TLL1: variants seen among roughly 807,000 people sequenced by gnomAD.
TLL1 encodes tolloid like 1.
In TLL1, 49 loss-of-function variants were observed where a neutral mutation model predicts 128.2. The observed-to-expected ratio is 0.38, with a 90% CI of 0.30 to 0.48. The LOEUF (loss-of-function observed/expected upper bound fraction) is 0.48. Among genes scored for constraint, TLL1 ranks in the 20% least tolerant of loss-of-function variants. The pLI, the probability that TLL1 is intolerant of heterozygous loss-of-function variation, is 0.96. For missense variants in TLL1, 1,123 were observed against 1,242.0 expected, an observed-to-expected ratio of 0.90 and a Z score of 1.44; for synonymous variants, 454 against 418.8, an observed-to-expected ratio of 1.08 and a Z score of -1.03.
intron 1 of TLL1, among the ~76,000 whole-genome samples, chr4:165,938,314 C>G (rs1029901315): frequency 5.9e-5 from 9 of 151,852 alleles, no homozygotes; most frequent in Non-Finnish European, 8.8e-5. Flanking sequence ...TTTTGGTGAG[C>G]CTTCATGATC....
Position 166,014,503 on chromosome 4 carries a change from C to T in TLL1, c.985C>T (p.Arg329Ter), listed in dbSNP as rs761905682. The change falls in exon 8 of 21, where the codon CGA becomes TGA. Residue 329 changes from arginine (R) to a stop codon, truncating the protein, a stop_gained. Transcript: ENST00000061240. LOFTEE classifies it high-confidence loss of function. ...DNGIRPAIGQ[R>*]TRLSKGDIAQ... ...TGGCATACGTCCTGCAATTGGTCAG[C>T]GAACCCGTCTAAGCAAAGGAGATAT... The T allele has an allele frequency of 1.9e-6, 3 of 1,612,332 alleles. No homozygotes were observed. Among genetic ancestry groups the T allele is most frequent in the African/African-American group, 1.3e-5 (1 of 74,864 alleles).
At chr4:166,070,693 G>C (rs978248516) in intron 16 of TLL1, among the ~76,000 whole-genome samples, 1 of 151,866 alleles carries the variant, frequency 6.6e-6, no homozygotes, top group Non-Finnish European at 1.5e-5. Context: ...AATAATGTGT[G>C]CATTGCAATC....
At chr4:166,099,680 C>T (rs1742203351) in intron 20 of TLL1, among the ~76,000 whole-genome samples, 153 bp downstream of exon 20, 2 of 145,694 alleles carry the variant, frequency 1.4e-5, no homozygotes, top group Non-Finnish European at 3.0e-5. Context: ...CAAAATATAA[C>T]ACGTCTCTAC....
At chr4:165,991,224 G>T (rs1736624118) in intron 2 of TLL1, among the ~76,000 whole-genome samples, 2 of 151,428 alleles carry the variant, frequency 1.3e-5, no homozygotes, top group South Asian at 4.2e-4. Context: ...CATAATAATT[G>T]GAAGAAAAAT....
chr4:166,009,649 C>T (rs539943837), intron 7 of TLL1, among the ~76,000 whole-genome samples: 99 of 151,376 alleles, frequency 6.5e-4, no homozygotes, highest in Non-Finnish European at 1.1e-3. Context: ...GAGATCATAT[C>T]CACCTGTTAG....
intron 5 of TLL1, among the ~76,000 whole-genome samples, chr4:165,999,211 A>G (rs1737034070): frequency 6.6e-6 from 1 of 152,152 alleles, no homozygotes; most frequent in African/African-American, 2.4e-5. Context: ...ATTTTCAGGT[A>G]TTTTTATAGC....
chr4:165,889,775 G>GT lies in TLL1; in HGVS notation c.169+15708dup, dbSNP rs200060051. On this transcript the variant is annotated intron_variant, in intron 1 of 20. Coordinates refer to ENST00000061240, the MANE Select transcript of TLL1 (RefSeq NM_012464.5). The stretch of plus-strand genomic sequence containing the variant: ...CAGCTCACCATCATCAGTCATTTCA[G>GT]TTTTTTGAAAACAATTAATAAGGTT... Among the ~76,000 whole-genome samples the GT allele has an allele frequency of 7.3e-3, 1,108 of 152,194 alleles. 21 individuals are homozygous for GT. Among genetic ancestry groups the GT allele is most frequent in the African/African-American group, 0.026 (1,074 of 41,512 alleles).
intron 1 of TLL1, among the ~76,000 whole-genome samples, chr4:165,915,074 T>C (rs946202720): frequency 1.3e-5 from 2 of 152,174 alleles, no homozygotes; most frequent in Non-Finnish European, 2.9e-5. Context: ...AGTGGGTCTT[T>C]TTATATTACC....
At chr4:165,878,061 T>C (rs1453699138) in intron 1 of TLL1, among the ~76,000 whole-genome samples, 3 of 152,312 alleles carry the variant, frequency 2.0e-5, no homozygotes, top group South Asian at 2.1e-4. Flanking sequence ...TGCTTTTCTT[T>C]ATAGTCAGTG....
chr4:166,095,142 A>G (rs1306792112), intron 19 of TLL1, among the ~76,000 whole-genome samples: 1 of 152,092 alleles, frequency 6.6e-6, no homozygotes, highest in Non-Finnish European at 1.5e-5. Context: ...AGGTAAATTT[A>G]TATTTCTGTA....
At chr4:166,047,559 AC>A (rs1220109815) in intron 12 of TLL1, among the ~76,000 whole-genome samples, 215 of 151,130 alleles carry the variant, frequency 1.4e-3, no homozygotes, top group Non-Finnish European at 2.6e-3. Context: ...ATGAAGATAA[AC>A]TTGTCCATCA....
intron 1 of TLL1, among the ~76,000 whole-genome samples, chr4:165,977,620 G>C (rs1435228697): frequency 6.6e-6 from 1 of 152,114 alleles, no homozygotes; most frequent in Non-Finnish European, 1.5e-5. Context: ...AAAATTTATT[G>C]CACTAAATTA....
chr4:166,093,982 C>T (rs2173306), intron 19 of TLL1, among the ~76,000 whole-genome samples: 97,646 of 151,930 alleles, frequency 0.64, 31,818 homozygotes, highest in Middle Eastern at 0.84. Flanking sequence ...TTAACAGCAT[C>T]TCAGCAAAGC....
Position 166,065,773 on chromosome 4 carries a change from G to A in TLL1, c.2098G>A (p.Val700Met). The change falls in exon 16 of 21, where the codon GTG becomes ATG. Residue 700 changes from valine (V) to methionine (M), a missense_variant. Val to Met is a conservative substitution (Grantham distance 21). This residue lies in a region of TLL1 where 634 missense variants were observed against 672.4 expected (regional missense o/e 0.94). Coordinates refer to ENST00000061240, the MANE Select transcript of TLL1 (RefSeq NM_012464.5). ...GKFCGAEVPE[V>M]ITSQFNNMRI... ...ATTCTGTGGCGCTGAAGTGCCTGAA[G>A]TGATCACATCCCAGTTCAACAATAT... 6.2e-7 allele frequency: 1 copy of A among 1,613,060 alleles called. No individual in the cohort carries two copies. Among genetic ancestry groups the A allele is most frequent in the Non-Finnish European group, 8.5e-7 (1 of 1,179,346 alleles).
At position 166,044,709 on chromosome 4, in the gene TLL1, A is replaced by G. The variant is rs75213093; in HGVS notation, c.1524+1290A>G. Among the ~76,000 whole-genome samples, 418 of 152,234 alleles carry G rather than the reference A, an allele frequency of 2.7e-3. 5 individuals are homozygous for G. The highest frequency in any genetic ancestry group is 0.017 in the East Asian group (86 of 5,168). On this transcript the variant is annotated intron_variant, in intron 12 of 20. Transcript: ENST00000061240. ...TGTTGATAGTTAATTAAAATTGAGT[A>G]GAAAAATTTCACCCATGATTTAGAC...
At chr4:165,997,034 G>A (rs1446687546) in intron 5 of TLL1, among the ~76,000 whole-genome samples, 1 of 151,934 alleles carries the variant, frequency 6.6e-6, no homozygotes, top group African/African-American at 2.4e-5. Context: ...TGTTTTTGGT[G>A]CTAGGAAGGA....
At chr4:165,876,057 A>G (rs1163999341) in intron 1 of TLL1, among the ~76,000 whole-genome samples, 1 of 152,226 alleles carries the variant, frequency 6.6e-6, no homozygotes, top group African/African-American at 2.4e-5. Context: ...TTTTGAGAAG[A>G]GGCATACCAG....
intron 9 of TLL1, among the ~76,000 whole-genome samples, chr4:166,036,041 AG>A (rs1222870399): frequency 1.3e-5 from 2 of 152,190 alleles, no homozygotes; most frequent in Non-Finnish European, 2.9e-5. Flanking sequence ...CTAATTGGCA[AG>A]GTTTGTACAT....
At position 166,074,708 on chromosome 4, in the gene TLL1, G is replaced by A. The variant is rs1740942369; in HGVS notation, c.2189-170G>A. ...GGTACAACGCTTCAAGCTAAACAAG[G>A]AAAGGGTAAAACTAAGAGATCATAC... On this transcript the variant is annotated intron_variant, in intron 16 of 20. Transcript: ENST00000061240. Among the ~76,000 whole-genome samples, 3 of 152,046 alleles carry A rather than the reference G, an allele frequency of 2.0e-5. No homozygotes were observed. In the South Asian group the frequency reaches 6.2e-4, roughly 31 times the overall value.
Sources: allele counts gnomAD v4.1 joint callset (sites outside exome capture counted in the v4.1 genomes callset), GRCh38; gene constraint gnomAD v4.1.1; regional missense constraint gnomAD v4.1.1; transcripts MANE v1.5; gene names NCBI Gene and HGNC (gene_info 2026-07-23, HGNC 2026-07-21).